Variants in ZNF705B observed in about 807,000 individuals in gnomAD.
ZNF705B encodes Putative zinc finger protein 705D-like protein LOC100132396.
A neutral mutation model predicts 10.5 loss-of-function variants in ZNF705B; 1 was observed. That is an observed-to-expected ratio of 0.10 (90% confidence interval 0.03 to 0.45). The LOEUF is 0.45. Among genes scored for constraint, ZNF705B ranks in the 20% least tolerant of loss-of-function variants. The pLI, the probability that ZNF705B is intolerant of heterozygous loss-of-function variation, is 0.97. For missense variants in ZNF705B, 14 were observed against 84.0 expected, an observed-to-expected ratio of 0.17 and a Z score of 3.26; for synonymous variants, 4 against 25.4, an observed-to-expected ratio of 0.16 and a Z score of 2.53.
At chr8:7,940,697 AT>A (rs1232941119) in intron 2 of ZNF705B, among the ~76,000 whole-genome samples, 3 of 147,816 alleles carry the variant, frequency 2.0e-5, no homozygotes, top group African/African-American at 7.5e-5. Flanking sequence ...AGTAATTGTC[AT>A]TCTGTGGTTG....
At chr8:7,929,221 T>C (rs1197623265) in intron 1 of ZNF705B, among the ~76,000 whole-genome samples, 2 of 121,882 alleles carry the variant, frequency 1.6e-5, no homozygotes, top group Admixed American at 9.2e-5. Flanking sequence ...AAAGAGGCAG[T>C]TGACAGAAAG....
At chr8:7,929,003 G>T (rs1819771840) in intron 1 of ZNF705B, among the ~76,000 whole-genome samples, 1 of 118,534 alleles carries the variant, frequency 8.4e-6, no homozygotes, top group Non-Finnish European at 2.0e-5. Flanking sequence ...CTCTACTCAG[G>T]TGACAGGTGT....
At chr8:7,932,323 C>T (rs1185797101) in intron 2 of ZNF705B, among the ~76,000 whole-genome samples, 3 of 121,214 alleles carry the variant, frequency 2.5e-5, no homozygotes, top group Non-Finnish European at 5.9e-5. Context: ...GATTCCTCGT[C>T]AATTTGCTGC....
chr8:7,930,097 C>CAT (rs1322315261), intron 1 of ZNF705B, among the ~76,000 whole-genome samples, 190 bp from the exon 2 acceptor site: 1 of 109,624 alleles, frequency 9.1e-6, no homozygotes, highest in African/African-American at 2.7e-5. Context: ...TGGTACTGAA[C>CAT]ATAGTACCAG....
At chr8:7,931,865 G>T (rs1277681057) in intron 2 of ZNF705B, among the ~76,000 whole-genome samples, 2 of 125,626 alleles carry the variant, frequency 1.6e-5, no homozygotes, top group African/African-American at 5.0e-5. Context: ...AGAGTGATGG[G>T]GACCAAGCTA....
intron 2 of ZNF705B, among the ~76,000 whole-genome samples, chr8:7,932,253 G>T (rs1173952256): frequency 8.3e-6 from 1 of 121,182 alleles, no homozygotes; most frequent in Non-Finnish European, 2.0e-5. Context: ...AGCCTGTCCT[G>T]GCTTTAAGCT....
intron 2 of ZNF705B, among the ~76,000 whole-genome samples, chr8:7,935,519 T>C (rs1327415666): frequency 1.0e-4 from 12 of 114,998 alleles, no homozygotes; most frequent in African/African-American, 3.1e-4. Flanking sequence ...CTTTTTTTTT[T>C]CTATTCTGGA....
At chr8:7,940,197 G>T (rs1303654645) in intron 2 of ZNF705B, among the ~76,000 whole-genome samples, 1,826 of 141,872 alleles carry the variant, frequency 0.013, 12 homozygotes, top group African/African-American at 0.044. Context: ...AAAGCCAAGA[G>T]AAAAAAACAA....
At chr8:7,941,156 G>A (rs1301372117) in intron 2 of ZNF705B, among the ~76,000 whole-genome samples, 3 of 146,824 alleles carry the variant, frequency 2.0e-5, no homozygotes, top group African/African-American at 7.5e-5. Context: ...ACATATGTGT[G>A]CATGTATCTT....
chr8:7,930,185 A>G (rs552679694), intron 1 of ZNF705B, 102 bp from the exon 2 acceptor site: 13 of 118,586 alleles, frequency 1.1e-4, no homozygotes, highest in African/African-American at 2.8e-4. Context: ...GTTTATGTCC[A>G]TGTCTGCTCA....
Position 7,938,696 on chromosome 8 carries a change from C to CA in ZNF705B, c.-72+8262dup, listed in dbSNP as rs1278960029. On this transcript the variant is annotated intron_variant, in intron 2 of 6. Coordinates refer to ENST00000400120, the MANE Select transcript of ZNF705B (RefSeq NM_001193630.1). The stretch of plus-strand genomic sequence containing the variant: ...AAGGTGTTAGGCACTCTACTCTTAC[C>CA]AAGTTTATTTTGTTACCTGGTAGAA... 3.9e-5 allele frequency: 59 copies of CA among 1,506,272 alleles called. No individual in the cohort carries two copies. In the African/African-American group the frequency reaches 7.3e-4, roughly 19 times the overall value. The allele number at this position is 1,506,272 out of a possible 1,614,324, so 93.3% of individuals were successfully genotyped here. A position where few individuals can be genotyped will look rare whatever the true frequency, so the allele number is the denominator to read the frequency against.
intron 2 of ZNF705B, among the ~76,000 whole-genome samples, chr8:7,936,622 A>G (rs1022270448): frequency 1.7e-5 from 2 of 119,696 alleles, no homozygotes; most frequent in Non-Finnish European, 4.0e-5. Flanking sequence ...GCTCAAGAAC[A>G]GGAAGACAAA....
At chr8:7,931,541 C>T (rs1315050336) in intron 2 of ZNF705B, among the ~76,000 whole-genome samples, 3 of 122,264 alleles carry the variant, frequency 2.5e-5, no homozygotes, top group East Asian at 4.7e-4. Flanking sequence ...CAATGACAGA[C>T]AGCAGTGTGG....
intron 2 of ZNF705B, among the ~76,000 whole-genome samples, chr8:7,934,096 A>G (rs1819933590): frequency 7.1e-6 from 1 of 141,626 alleles, no homozygotes; most frequent in Admixed American, 7.2e-5. Flanking sequence ...GCCCGCCACC[A>G]TGCCTGGCTA....
intron 2 of ZNF705B, among the ~76,000 whole-genome samples, chr8:7,931,005 G>A (rs1354438267): frequency 5.8e-5 from 7 of 120,460 alleles, no homozygotes; most frequent in East Asian, 4.7e-4. Context: ...ACAGGCATGC[G>A]CCTCCATGCC....
chr8:7,937,081 A>T (rs1305449287), intron 2 of ZNF705B, among the ~76,000 whole-genome samples: 1 of 115,600 alleles, frequency 8.7e-6, no homozygotes, highest in African/African-American at 2.6e-5. Flanking sequence ...AGTTACAATG[A>T]ACATAGGCTG....
At chr8:7,935,420 T>G (rs1362435229) in intron 2 of ZNF705B, among the ~76,000 whole-genome samples, 1 of 145,034 alleles carries the variant, frequency 6.9e-6, no homozygotes, top group East Asian at 2.1e-4. Context: ...GTTTGAAAAG[T>G]GTTTTAATTC....
At chr8:7,926,971 ACTTG>A (rs1366712794) in intron 1 of ZNF705B, among the ~76,000 whole-genome samples, 1 of 116,308 alleles carries the variant, frequency 8.6e-6, no homozygotes, top group African/African-American at 2.6e-5. Context: ...ACCTGCATTG[ACTTG>A]CTCAGAGAAA....
rs554932989 is a variant in ZNF705B at position 7,930,299 on chromosome 8, C to T, written c.-209C>T. 1.3e-3 allele frequency: 135 copies of T among 101,258 alleles called. 3 individuals carry two copies. The highest frequency in any genetic ancestry group is 3.7e-3 in the African/African-American group (133 of 35,860). 6.3% of individuals were successfully genotyped at this position (101,258 alleles called of 1,614,324 possible). A position where few individuals can be genotyped will look rare whatever the true frequency, so the allele number is the denominator to read the frequency against. On this transcript the variant is annotated 5_prime_UTR_variant, in exon 2 of 7. Coordinates refer to ENST00000400120, the MANE Select transcript of ZNF705B (RefSeq NM_001193630.1). ...AACTCATTCCCAGATCACTTGTCCT[C>T]CTCAATTGATGTACACTGAAGAAAG...
Sources: allele counts gnomAD v4.1 joint callset (sites outside exome capture counted in the v4.1 genomes callset), GRCh38; gene constraint gnomAD v4.1.1; transcripts MANE v1.5; gene names NCBI Gene and HGNC (gene_info 2026-07-23, HGNC 2026-07-21).